Variants in DHX57 observed in about 807,000 individuals in gnomAD.
DHX57 encodes the protein DExH-box helicase 57.
A neutral mutation model predicts 156.2 loss-of-function variants in DHX57; 105 were observed. The observed-to-expected ratio is 0.67, with a 90% CI of 0.57 to 0.79. The LOEUF (loss-of-function observed/expected upper bound fraction) is 0.79, where lower values mean the gene tolerates loss of function less well. Among genes scored for constraint, DHX57 ranks in the 30% least tolerant of loss-of-function variants. The pLI, the probability that DHX57 is intolerant of heterozygous loss-of-function variation, is 0.00. For missense variants in DHX57, 1,847 were observed against 1,661.9 expected (o/e 1.11, Z -1.94); for synonymous variants, 704 against 595.6 (o/e 1.18, Z -2.65).
Position 38,798,064 on chromosome 2 carries a change from A to C in DHX57, c.*235T>G. On this transcript the variant is annotated 3_prime_UTR_variant, in exon 24 of 24. Coordinates refer to ENST00000457308, the MANE Select transcript of DHX57 (RefSeq NM_198963.3). The stretch of plus-strand genomic sequence containing the variant: ...ACAATCACAGAGACAAAGACAGGCA[A>C]GCTGGGTTTTAGGCTCTCACCCTTG... The C allele has an allele frequency of 2.4e-6, 1 of 413,106 alleles. No individual in the cohort carries two copies. The highest frequency in any genetic ancestry group is 4.5e-6 in the Non-Finnish European group (1 of 224,534). The allele number at this position is 413,106 out of a possible 1,614,324, so 25.6% of individuals were successfully genotyped here.
intron 22 of DHX57, among the ~76,000 whole-genome samples, chr2:38,805,751 C>T (rs1669904444): frequency 6.6e-6 from 1 of 151,428 alleles, no homozygotes; most frequent in South Asian, 2.1e-4. Flanking sequence ...GATTTTTCAG[C>T]TTTTATGTTT....
chr2:38,843,131 T>C lies in DHX57; in HGVS notation c.2299A>G (p.Arg767Gly), dbSNP rs759263103. ...TCTTCCACTTCTTCAAATGCAGTTC[T>C]GTTCCGCCTTGCTTTAAGCTTTTCC... is the stretch of plus-strand genomic sequence containing the variant. The part of the protein sequence containing the change: ...SKEKLKARRN[R>G]TAFEEVEEDL... The change falls in exon 12 of 24, where the codon AGA becomes GGA. Residue 767 changes from arginine (R) to glycine (G), a missense_variant. Coordinates refer to ENST00000457308, the MANE Select transcript of DHX57 (RefSeq NM_198963.3). The C allele has an allele frequency of 2.5e-6, 4 of 1,614,108 alleles. No individual in the cohort carries two copies. In the African/African-American group the frequency reaches 5.3e-5, roughly 22 times the overall value.
At chr2:38,810,147 G>A (rs971490753) in intron 21 of DHX57, among the ~76,000 whole-genome samples, 39 of 151,292 alleles carry the variant, frequency 2.6e-4, no homozygotes, top group Admixed American at 1.5e-3. Context: ...TGCCCACCTC[G>A]GTCTCCCAAA....
chr2:38,818,971 G>A lies in DHX57; in HGVS notation c.3388-11C>T, dbSNP rs1410915119. ...ACTTAGCTGCCATCCCTAAATTTTG[G>A]AGAAAATCAAACTGAACTTACTCAG... On this transcript the variant is annotated splice_polypyrimidine_tract_variant and intron_variant, in intron 18 of 23. Coordinates refer to ENST00000457308, the MANE Select transcript of DHX57 (RefSeq NM_198963.3). 3.1e-5 allele frequency: 50 copies of A among 1,613,996 alleles called. No homozygotes were observed. Among genetic ancestry groups the A allele is most frequent in the Non-Finnish European group, 4.0e-5 (47 of 1,180,028 alleles).
intron 9 of DHX57, among the ~76,000 whole-genome samples, chr2:38,849,723 G>A (rs192323094): frequency 2.6e-5 from 4 of 152,164 alleles, no homozygotes; most frequent in Non-Finnish European, 4.4e-5. Flanking sequence ...TCTCCTTGCC[G>A]TCTTTGAGGC....
At chr2:38,828,520 TA>T in intron 13 of DHX57, 84 bp from the exon 14 acceptor site, 2 of 847,868 alleles carry the variant, frequency 2.4e-6, no homozygotes, top group Non-Finnish European at 3.5e-6. Flanking sequence ...AAGAATATGA[TA>T]AATGAAGTAA....
At chr2:38,859,052 A>G (rs570029865) in intron 5 of DHX57, among the ~76,000 whole-genome samples, 3 of 152,376 alleles carry the variant, frequency 2.0e-5, no homozygotes, top group Non-Finnish European at 2.9e-5. Context: ...CAAAGTAATT[A>G]GCATTAAAAG....
chr2:38,810,854 C>G (rs535799741), intron 21 of DHX57: 50 of 742,310 alleles, frequency 6.7e-5, no homozygotes, highest in Non-Finnish European at 1.2e-4. Flanking sequence ...GACTTCATTT[C>G]AATGAAGCGG....
intron 8 of DHX57, chr2:38,854,818 T>C (rs1042229255): frequency 2.8e-6 from 1 of 359,508 alleles, no homozygotes; most frequent in Non-Finnish European, 5.2e-6. Flanking sequence ...TGCCTTGGCC[T>C]CTCAAAGTGC....
At chr2:38,825,757 T>C in intron 16 of DHX57, 90 bp downstream of exon 16, 1 of 1,344,698 alleles carries the variant, frequency 7.4e-7, no homozygotes, top group South Asian at 1.2e-5. Flanking sequence ...TAGCCAAATA[T>C]CTTCTAGAAG....
chr2:38,854,290 G>C, intron 8 of DHX57, 112 bp from the exon 9 acceptor site: 4 of 1,111,256 alleles, frequency 3.6e-6, no homozygotes, highest in Non-Finnish European at 5.0e-6. Context: ...AACACCAGCA[G>C]TTCCATTTAA....
At position 38,851,735 on chromosome 2, in the gene DHX57, T is replaced by A. The variant is rs80353355; in HGVS notation, c.2030+2319A>T. On this transcript the variant is annotated intron_variant, in intron 9 of 23. Coordinates refer to ENST00000457308, the MANE Select transcript of DHX57 (RefSeq NM_198963.3). ...ATGTTATAGAATCCAAAGCTACTCT[T>A]CATATTCAAAATTATACTGGATATA... Among the ~76,000 whole-genome samples, 792 of 152,330 alleles carry A rather than the reference T, an allele frequency of 5.2e-3. 10 individuals are homozygous for A. The highest frequency in any genetic ancestry group is 0.018 in the African/African-American group (754 of 41,572).
At chr2:38,810,170 C>T (rs1003730088) in intron 21 of DHX57, among the ~76,000 whole-genome samples, 2 of 150,810 alleles carry the variant, frequency 1.3e-5, no homozygotes, top group African/African-American at 4.9e-5. Flanking sequence ...GCAGGGATTA[C>T]AGACGTGAGC....
intron 1 of DHX57, among the ~76,000 whole-genome samples, chr2:38,874,720 A>G (rs1227983462): frequency 1.3e-5 from 2 of 152,104 alleles, no homozygotes; most frequent in Non-Finnish European, 2.9e-5. Flanking sequence ...GAAATACTGT[A>G]TTTTCAATCT....
intron 2 of DHX57, 135 bp from the exon 3 acceptor site, chr2:38,863,654 G>C: frequency 1.2e-6 from 1 of 800,408 alleles, no homozygotes. Flanking sequence ...TGAATGTGAG[G>C]AGATTCTCCA....
chr2:38,806,823 C>A (rs530112067), intron 21 of DHX57, 130 bp from the exon 22 acceptor site: 2 of 866,944 alleles, frequency 2.3e-6, no homozygotes, highest in Non-Finnish European at 3.3e-6. Context: ...TGTTCCCTTT[C>A]TTTCTTATTT....
intron 17 of DHX57, among the ~76,000 whole-genome samples, chr2:38,820,665 G>T (rs944980039): frequency 1.1e-4 from 16 of 152,092 alleles, no homozygotes; most frequent in Non-Finnish European, 1.5e-5. Context: ...CACTGGACCA[G>T]CTGGTTTATA....
intron 19 of DHX57, among the ~76,000 whole-genome samples, chr2:38,818,505 G>C (rs1670657278): frequency 6.6e-6 from 1 of 152,168 alleles, no homozygotes; most frequent in East Asian, 1.9e-4. Flanking sequence ...TCCAGCCTGG[G>C]AGACAGAATG....
chr2:38,858,565 A>C, intron 6 of DHX57, 96 bp downstream of exon 6: 1 of 1,450,342 alleles, frequency 6.9e-7, no homozygotes. Context: ...AAGAACCAGA[A>C]GAATTTTAAG....
Sources: gnomAD v4.1 joint callset for allele counts (sites outside exome capture counted in the v4.1 genomes callset) on GRCh38, gnomAD v4.1.1 for gene constraint, MANE v1.5 for transcripts, NCBI Gene and HGNC (gene_info 2026-07-23, HGNC 2026-07-21) for gene names.